LRP1B: variants seen among roughly 807,000 people sequenced by gnomAD.
LRP1B encodes the protein LDL receptor related protein 1B.
In LRP1B, 217 loss-of-function variants were observed where a neutral mutation model predicts 556.6. The ratio of observed to expected loss-of-function variants is 0.39; its 90% confidence interval spans 0.35 to 0.44. The LOEUF (loss-of-function observed/expected upper bound fraction) is 0.44. Among genes scored for constraint, LRP1B ranks in the 20% least tolerant of loss-of-function variants. The pLI, the probability that LRP1B is intolerant of heterozygous loss-of-function variation, is 1.00. For synonymous variants in LRP1B, 2,047 were observed against 1,865.8 expected (o/e 1.10, Z -2.50); for missense variants, 5,053 against 5,620.8 (o/e 0.90, Z 3.23).
chr2:140,467,612 C>CAAAAAAAA (rs36060070), intron 60 of LRP1B, among the ~76,000 whole-genome samples: 1 of 85,914 alleles, frequency 1.2e-5, no homozygotes, highest in African/African-American at 4.2e-5. Flanking sequence ...AACTCCATCT[C>CAAAAAAAA]AAAAAAAAAA....
intron 3 of LRP1B, among the ~76,000 whole-genome samples, chr2:141,413,993 G>A (rs111623383): frequency 3.3e-5 from 5 of 152,140 alleles, no homozygotes; most frequent in African/African-American, 7.2e-5. Flanking sequence ...CACTTTGGGA[G>A]GCTGAGGTGG....
At chr2:142,115,527 A>ATATAT (rs1553518929) in intron 1 of LRP1B, among the ~76,000 whole-genome samples, 2 of 54,944 alleles carry the variant, frequency 3.6e-5, no homozygotes, top group East Asian at 5.6e-4. Context: ...CATATATAAT[A>ATATAT]TATATATTAC....
chr2:141,000,125 C>T (rs1270281103), intron 15 of LRP1B, among the ~76,000 whole-genome samples: 1 of 151,746 alleles, frequency 6.6e-6, no homozygotes, highest in African/African-American at 2.4e-5. Flanking sequence ...CACTATGTTC[C>T]CCAAGCTGGT....
chr2:140,392,131 A>G (rs1195168109), intron 66 of LRP1B, among the ~76,000 whole-genome samples: 1 of 152,212 alleles, frequency 6.6e-6, no homozygotes, highest in Non-Finnish European at 1.5e-5. Flanking sequence ...GACAAGGGAA[A>G]AGTCAAGCTG....
At chr2:140,872,435 A>G (rs1693169551) in intron 25 of LRP1B, among the ~76,000 whole-genome samples, 1 of 137,328 alleles carries the variant, frequency 7.3e-6, no homozygotes, top group Non-Finnish European at 1.5e-5. Context: ...TTTGTAAGGA[A>G]GAGTGTAGTT....
chr2:140,627,462 CT>C (rs1683705582), intron 41 of LRP1B, among the ~76,000 whole-genome samples: 1 of 152,004 alleles, frequency 6.6e-6, no homozygotes, highest in South Asian at 2.1e-4. Flanking sequence ...TGTTCTTCAG[CT>C]TTTGGACTCT....
chr2:140,430,275 G>A lies in LRP1B; in HGVS notation c.10414+12229C>T, dbSNP rs549141242. ...TGCCTTAACTCAAGCCCTCACTCTC[G>A]CAAAAGGACTACGCGTCAATATTTA... On this transcript the variant is annotated intron_variant, in intron 66 of 90. Coordinates refer to ENST00000389484, the MANE Select transcript of LRP1B (RefSeq NM_018557.3). 2.6e-5 allele frequency among the ~76,000 whole-genome samples: 4 copies of A among 152,184 alleles called. 1 individual carries two copies. The highest frequency in any genetic ancestry group is 2.6e-4 in the Admixed American group (4 of 15,294).
chr2:140,805,779 G>T (rs953743494), intron 32 of LRP1B, among the ~76,000 whole-genome samples: 16 of 152,040 alleles, frequency 1.1e-4, no homozygotes, highest in Admixed American at 2.6e-4. Context: ...AATTACTTTT[G>T]CACCAACATA....
intron 4 of LRP1B, among the ~76,000 whole-genome samples, chr2:141,252,123 C>G (rs1046683950): frequency 1.3e-5 from 2 of 151,930 alleles, no homozygotes; most frequent in Non-Finnish European, 2.9e-5. Context: ...GCTTCAGTCA[C>G]CCTTTGTTGT....
At chr2:140,840,818 TTA>T in intron 30 of LRP1B, 98 bp downstream of exon 30, 74 of 846,480 alleles carry the variant, frequency 8.7e-5, no homozygotes, top group South Asian at 1.3e-4. Flanking sequence ...CTTATGGCTG[TTA>T]TATATATATC....
chr2:141,004,034 A>G (rs1315012221), intron 15 of LRP1B, among the ~76,000 whole-genome samples: 1 of 152,060 alleles, frequency 6.6e-6, no homozygotes, highest in Non-Finnish European at 1.5e-5. Context: ...CTTTTGAAAA[A>G]TGCATCTTTT....
At chr2:140,823,490 A>G (rs1284754599) in intron 31 of LRP1B, among the ~76,000 whole-genome samples, 1 of 152,134 alleles carries the variant, frequency 6.6e-6, no homozygotes, top group Non-Finnish European at 1.5e-5. Flanking sequence ...CATGTATGCC[A>G]GCAACAATAG....
chr2:141,592,846 G>A (rs1687388731), intron 2 of LRP1B, among the ~76,000 whole-genome samples: 1 of 152,116 alleles, frequency 6.6e-6, no homozygotes, highest in South Asian at 2.1e-4. Flanking sequence ...GTGTATTCAA[G>A]CATTGAAGGA....
chr2:141,678,451 T>C (rs1690970818), intron 2 of LRP1B, among the ~76,000 whole-genome samples: 2 of 152,160 alleles, frequency 1.3e-5, no homozygotes, highest in Non-Finnish European at 1.5e-5. Context: ...TTCATCTATA[T>C]TGAATGTTGC....
At chr2:140,779,841 A>G (rs35561348) in intron 32 of LRP1B, among the ~76,000 whole-genome samples, 2,649 of 151,458 alleles carry the variant, frequency 0.017, 35 homozygotes, top group Non-Finnish European at 0.028. Flanking sequence ...ACTCTTTCTT[A>G]AACAGAAACT....
chr2:140,672,728 C>A (rs12623177), intron 41 of LRP1B, among the ~76,000 whole-genome samples: 1 of 151,916 alleles, frequency 6.6e-6, no homozygotes, highest in East Asian at 1.9e-4. Flanking sequence ...TTATTTCCTC[C>A]TCTCTCTTTC....
intron 43 of LRP1B, 39 bp downstream of exon 43, chr2:140,598,592 T>C (rs1682531981): frequency 4.1e-6 from 6 of 1,454,240 alleles, no homozygotes; most frequent in Non-Finnish European, 4.8e-6. Flanking sequence ...AATATATCAT[T>C]GTATAACTCT....
intron 32 of LRP1B, among the ~76,000 whole-genome samples, chr2:140,796,747 C>T (rs1381514951): frequency 6.6e-6 from 1 of 152,032 alleles, no homozygotes; most frequent in Non-Finnish European, 1.5e-5. Flanking sequence ...AAAGCAGAAT[C>T]ACCTAAGATA....
rs75659190 is a variant in LRP1B at position 141,857,512 on chromosome 2, A to T, written c.83-47111T>A. The stretch of plus-strand genomic sequence containing the variant: ...TATGCCCAGCTAAATTAAAAAAAAA[A>T]TTTTTGTAGACATGGGGTCTCAACA... On this transcript the variant is annotated intron_variant, in intron 1 of 90. Coordinates refer to ENST00000389484, the MANE Select transcript of LRP1B (RefSeq NM_018557.3). Among the ~76,000 whole-genome samples, 465 of 151,304 alleles carry T rather than the reference A, an allele frequency of 3.1e-3. 5 individuals are homozygous for T. The highest frequency in any genetic ancestry group is 0.011 in the African/African-American group (439 of 41,244).
Sources: allele counts gnomAD v4.1 joint callset (sites outside exome capture counted in the v4.1 genomes callset), GRCh38; gene constraint gnomAD v4.1.1; transcripts MANE v1.5; gene names NCBI Gene and HGNC (gene_info 2026-07-23, HGNC 2026-07-21).